DNAH7: variants seen among roughly 807,000 people sequenced by gnomAD.
DNAH7 encodes dynein axonemal heavy chain 7, also known as axonemal beta dynein heavy chain 7.
A neutral mutation model predicts 444.6 loss-of-function variants in DNAH7; 397 were observed. That is an observed-to-expected ratio of 0.89 (90% CI 0.82 to 0.97). The LOEUF (loss-of-function observed/expected upper bound fraction) is 0.97, where lower values mean the gene tolerates loss of function less well. Ranked by LOEUF, DNAH7 falls within the 50% of genes least tolerant of loss-of-function variation. DNAH7 has a pLI of 0.00. For missense variants in DNAH7, 4,902 were observed against 4,800.8 expected, an observed-to-expected ratio of 1.02 and a Z score of -0.62; for synonymous variants, 1,636 against 1,624.4, an observed-to-expected ratio of 1.01 and a Z score of -0.17.
At chr2:195,895,295 GAAATAGGGCCATTAGATA>G in intron 29 of DNAH7, 71 bp from the exon 30 acceptor site, 1 of 1,005,982 alleles carries the variant, frequency 9.9e-7, no homozygotes, top group South Asian at 2.4e-5. Context: ...TGTATTGATG[GAAATAGGGCCATTAGATA>G]ATAATAGTTC....
chr2:195,875,911 A>C, intron 37 of DNAH7, 68 bp from the exon 38 acceptor site: 1 of 1,419,676 alleles, frequency 7.0e-7, no homozygotes, highest in Non-Finnish European at 9.4e-7. Context: ...TTGTGTAAAC[A>C]ATATTGAGGC....
At chr2:195,837,452 T>C (rs1490811739) in intron 47 of DNAH7, among the ~76,000 whole-genome samples, 4 of 152,002 alleles carry the variant, frequency 2.6e-5, no homozygotes, top group Non-Finnish European at 5.9e-5. Context: ...TAATAACAAG[T>C]GAATGGGAGA....
rs1692646922 is a variant in DNAH7 at position 195,982,595 on chromosome 2, G to A, written c.1833+2037C>T. On this transcript the variant is annotated intron_variant, in intron 15 of 64. Coordinates refer to ENST00000312428, the MANE Select transcript of DNAH7 (RefSeq NM_018897.3). Reference sequence around the variant, plus strand: ...GAAGCAATGTAAGTGTCCATCAACAGATGAATAGAAAAAGAAAATGTGGTA... The same window carrying A: ...GAAGCAATGTAAGTGTCCATCAACAAATGAATAGAAAAAGAAAATGTGGTA... Among the ~76,000 whole-genome samples the A allele has an allele frequency of 2.0e-5, 3 of 152,280 alleles. No homozygotes were observed. In the South Asian group the frequency reaches 6.2e-4, roughly 32 times the overall value.
At chr2:196,034,116 TTG>T (rs1437042300) in intron 5 of DNAH7, among the ~76,000 whole-genome samples, 3 of 152,150 alleles carry the variant, frequency 2.0e-5, no homozygotes, top group African/African-American at 7.2e-5. Context: ...AGAAATAAAA[TTG>T]TTTTTACTTG....
Position 196,026,864 on chromosome 2 carries a change from A to T in DNAH7, c.563T>A (p.Val188Glu). 6.2e-7 allele frequency: 1 copy of T among 1,612,430 alleles called. No individual in the cohort carries two copies. Among genetic ancestry groups the T allele is most frequent in the Non-Finnish European group, 8.5e-7 (1 of 1,178,740 alleles). The change falls in exon 7 of 65, where the codon GTA (valine) becomes GAA (glutamate). Residue 188 changes from valine (V) to glutamate (E), a missense_variant. Physicochemically the swap from Val to Glu is moderately radical, Grantham distance 121. Transcript: ENST00000312428. Reference sequence around the variant, plus strand: ...CAGATGTTGTGGAACTAAATCCAGTACGTGTTCTAGCCAAGAATCTTCCAT... The same window carrying T: ...CAGATGTTGTGGAACTAAATCCAGTTCGTGTTCTAGCCAAGAATCTTCCAT... Reference protein sequence around the residue: ...APMEDSWLEHVLDLVPQHLKV... With the variant: ...APMEDSWLEHELDLVPQHLKV...
At chr2:195,890,818 G>A (rs1701974088) in intron 31 of DNAH7, among the ~76,000 whole-genome samples, 1 of 152,174 alleles carries the variant, frequency 6.6e-6, no homozygotes, top group Non-Finnish European at 1.5e-5. Context: ...TGACTCATGA[G>A]TCATGCTCTG....
In DNAH7 at chr2:195,810,588, T is replaced by C. The variant is rs151202110; in HGVS notation, c.9762-717A>G. 6.2e-4 allele frequency among the ~76,000 whole-genome samples: 94 copies of C among 151,388 alleles called. 1 individual carries two copies. In the East Asian group the frequency reaches 0.013, roughly 21 times the overall value. On this transcript the variant is annotated intron_variant, in intron 51 of 64. Coordinates refer to ENST00000312428, the MANE Select transcript of DNAH7 (RefSeq NM_018897.3). ...CACCATGCCTGGCTAATTTTGGCAA[T>C]GTCCTAACTGATATTCTAAGCTGTC... is the stretch of plus-strand genomic sequence containing the variant.
intron 48 of DNAH7, among the ~76,000 whole-genome samples, chr2:195,828,630 T>C (rs1024787043): frequency 1.3e-5 from 2 of 148,884 alleles, no homozygotes; most frequent in Non-Finnish European, 3.0e-5. Context: ...TTTTTTTCTA[T>C]TGCATATTTG....
Position 195,895,101 on chromosome 2 carries a change from T to G in DNAH7, c.4771A>C (p.Lys1591Gln), listed in dbSNP as rs1702232164. The change falls in exon 30 of 65, where the codon AAG becomes CAG. Residue 1591 changes from lysine (K) to glutamine (Q), a missense_variant. Physicochemically the swap from Lys to Gln is moderately conservative, Grantham distance 53. Transcript: ENST00000312428. ...NLQMTAFFSE[K>Q]ILQVYEMMIV... ...ATCATTTCATATACTTGAAGAATCTTCTCGGAAAAGAATGCAGTCATTTGC... is the reference window on the plus strand; with the variant it reads ...ATCATTTCATATACTTGAAGAATCTGCTCGGAAAAGAATGCAGTCATTTGC... The G allele has an allele frequency of 1.2e-6, 2 of 1,613,638 alleles. No individual in the cohort carries two copies. The highest frequency in any genetic ancestry group is 2.7e-5 in the African/African-American group (2 of 74,920).
chr2:195,912,388 CAG>C (rs903902151), intron 24 of DNAH7, among the ~76,000 whole-genome samples: 2 of 152,136 alleles, frequency 1.3e-5, no homozygotes, highest in African/African-American at 2.4e-5. Flanking sequence ...AGAAAAGAAA[CAG>C]AGAGATGTGT....
At chr2:196,005,789 TA>T (rs904604589) in intron 10 of DNAH7, among the ~76,000 whole-genome samples, 1 of 151,992 alleles carries the variant, frequency 6.6e-6, no homozygotes, top group Admixed American at 6.6e-5. Flanking sequence ...AACAAGAATT[TA>T]AAAAATTAAC....
rs759300799 is a variant in DNAH7, at chr2:195,777,931, T to C, written c.10933A>G (p.Arg3645Gly). ...CGCCGGTCCCAGTCATCGGTCACTC[T>C]GCCTCCGTAATTGCATTCGCCAGTC... ...YMTGECNYGG[R>G]VTDDWDRRTL... Residue 3645 changes from arginine to glycine, a missense_variant, in exon 59 of 65, where the codon AGA becomes GGA. Physicochemically the swap from Arg to Gly is moderately radical, Grantham distance 125. Transcript: ENST00000312428. 1 of 1,614,178 alleles carries C rather than the reference T, an allele frequency of 6.2e-7. No individual in the cohort carries two copies. Among genetic ancestry groups the C allele is most frequent in the Non-Finnish European group, 8.5e-7 (1 of 1,179,994 alleles).
chr2:195,856,292 G>C (rs1185834490), intron 44 of DNAH7, among the ~76,000 whole-genome samples: 1 of 152,142 alleles, frequency 6.6e-6, no homozygotes, highest in Admixed American at 6.5e-5. Context: ...AATGTTATTA[G>C]AAGCCTAATT....
chr2:195,930,072 C>A (rs180987023), intron 21 of DNAH7, among the ~76,000 whole-genome samples: 317 of 151,604 alleles, frequency 2.1e-3, no homozygotes, highest in African/African-American at 7.0e-3. Flanking sequence ...AGGCCAGGTG[C>A]GCTGGCTCAC....
chr2:196,047,481 A>G lies in DNAH7; in HGVS notation c.269T>C (p.Phe90Ser), dbSNP rs771254579. The G allele has an allele frequency of 6.3e-7, 1 of 1,597,380 alleles. No individual in the cohort carries two copies. The highest frequency in any genetic ancestry group is 1.3e-5 in the African/African-American group (1 of 74,582). ...GTGGGGTAATTTGCCCTTTTTTCCA[A>G]AACGTTCCATGTATTCAGCTTAAAT... is the stretch of plus-strand genomic sequence containing the variant. Reference protein sequence around the residue: ...EQSHAEYMERFGKKGKLPHQV... With the variant: ...EQSHAEYMERSGKKGKLPHQV... Residue 90 changes from phenylalanine (F) to serine (S), a missense_variant, in exon 5 of 65, where the codon TTT (phenylalanine) becomes TCT (serine). Physicochemically the swap from Phe to Ser is radical, Grantham distance 155. Transcript: ENST00000312428.
intron 1 of DNAH7, among the ~76,000 whole-genome samples, chr2:196,065,904 T>C (rs1255505775): frequency 6.6e-6 from 1 of 152,198 alleles, no homozygotes; most frequent in Non-Finnish European, 1.5e-5. Flanking sequence ...CACTCTAAAT[T>C]AGCATAAATG....
intron 51 of DNAH7, among the ~76,000 whole-genome samples, chr2:195,812,742 A>T (rs1331235304): frequency 6.6e-6 from 1 of 152,174 alleles, no homozygotes; most frequent in African/African-American, 2.4e-5. Context: ...ATTCTAAAAC[A>T]ATCAGGTTGG....
chr2:195,965,023 G>A (rs1057014207), intron 17 of DNAH7, among the ~76,000 whole-genome samples: 1 of 152,104 alleles, frequency 6.6e-6, no homozygotes, highest in African/African-American at 2.4e-5. Flanking sequence ...GGTGAAAGTG[G>A]GCATCCTTGA....
chr2:195,822,401 A>C (rs1697514283), intron 49 of DNAH7, among the ~76,000 whole-genome samples: 1 of 152,234 alleles, frequency 6.6e-6, no homozygotes, highest in Admixed American at 6.5e-5. Flanking sequence ...TCAAATAAAC[A>C]TTTAAGAACA....
Sources: gnomAD v4.1 joint callset for allele counts (sites outside exome capture counted in the v4.1 genomes callset) on GRCh38, gnomAD v4.1.1 for gene constraint, MANE v1.5 for transcripts, NCBI Gene and HGNC (gene_info 2026-07-23, HGNC 2026-07-21) for gene names.